TUBA4B: variants seen among roughly 807,000 people sequenced by gnomAD.
The protein encoded by TUBA4B is tubulin-like protein alpha-4B.
In TUBA4B, 13 loss-of-function variants were observed where a neutral mutation model predicts 18.4. That is an observed-to-expected ratio of 0.71 (90% confidence interval 0.46 to 1.12). The LOEUF (loss-of-function observed/expected upper bound fraction) is 1.12. TUBA4B is among the 50% of genes most tolerant of loss of function. The pLI is 0.00. For missense variants in TUBA4B, 244 were observed against 250.0 expected, an observed-to-expected ratio of 0.98 and a Z score of 0.16; for synonymous variants, 101 against 99.1, an observed-to-expected ratio of 1.02 and a Z score of -0.11.
chr2:219,253,738 G>T lies in TUBA4B; in HGVS notation c.12+319G>T. 11 of 1,256,790 alleles carry T rather than the reference G, an allele frequency of 8.8e-6. No homozygotes were observed. In the South Asian group the frequency reaches 9.7e-5, roughly 11 times the overall value. 77.9% of individuals were successfully genotyped at this position (1,256,790 alleles called of 1,614,324 possible). On this transcript the variant is annotated intron_variant, in intron 1 of 3. Coordinates refer to ENST00000490341, the MANE Select transcript of TUBA4B (RefSeq NM_001355221.1). Reference sequence around the variant, plus strand: ...TGGGGAGGGAGGATGCAAAACCCTCGCACCTCCTGGAGACCCGGAACGCCC... The same window carrying T: ...TGGGGAGGGAGGATGCAAAACCCTCTCACCTCCTGGAGACCCGGAACGCCC...
chr2:219,264,903 G>A lies in TUBA4B; in HGVS notation c.13-1618G>A, dbSNP rs1165359661. On this transcript the variant is annotated intron_variant, in intron 1 of 3. Transcript: ENST00000490341. Reference sequence around the variant, plus strand: ...ATTTGAGGCTAGTGGCCATGCGTTCGAAACATCAGTCAGCATGGTTCTGGA... The same window carrying A: ...ATTTGAGGCTAGTGGCCATGCGTTCAAAACATCAGTCAGCATGGTTCTGGA... Among the ~76,000 whole-genome samples, 3 of 152,212 alleles carry A rather than the reference G, an allele frequency of 2.0e-5. No homozygotes were observed. The East Asian group carries it at 5.8e-4, about 29-fold the overall frequency.
At chr2:219,267,202 A>G (rs1951795757) in intron 2 of TUBA4B, among the ~76,000 whole-genome samples, 1 of 152,184 alleles carries the variant, frequency 6.6e-6, no homozygotes, top group South Asian at 2.1e-4. Context: ...AGTTAAGAGC[A>G]TGGTTGGTGC....
chr2:219,256,649 C>G (rs932849444), intron 1 of TUBA4B, among the ~76,000 whole-genome samples: 1 of 152,140 alleles, frequency 6.6e-6, no homozygotes, highest in Non-Finnish European at 1.5e-5. Flanking sequence ...AGTGTAATTT[C>G]AAGGGTCCTT....
chr2:219,259,706 C>T (rs779201308), intron 1 of TUBA4B, among the ~76,000 whole-genome samples: 2 of 152,136 alleles, frequency 1.3e-5, no homozygotes, highest in Non-Finnish European at 2.9e-5. Flanking sequence ...TCACCTTTAT[C>T]TTGGAGCAGG....
rs576427991 is a variant in TUBA4B at position 219,267,468 on chromosome 2, A to G, written c.58+902A>G. Among the ~76,000 whole-genome samples the G allele has an allele frequency of 5.3e-5, 8 of 152,308 alleles. No individual in the cohort carries two copies. The South Asian group carries it at 1.4e-3, about 28-fold the overall frequency. On this transcript the variant is annotated intron_variant, in intron 2 of 3. Transcript: ENST00000490341. ...GGCTATGAGATTCTTCTCTTTCTAC[A>G]GTCATGAAAAAGGTGCTAGGGAAGC... is the stretch of plus-strand genomic sequence containing the variant.
At position 219,271,775 on chromosome 2, in the gene TUBA4B, A is replaced by G. The variant is rs1951828543; in HGVS notation, c.*76A>G. ...GGAGATGTGGTGCCCAAGGATGTCAACGCTGCCATTGCTGCCATCAAGACC... is the reference window on the plus strand; with the variant it reads ...GGAGATGTGGTGCCCAAGGATGTCAGCGCTGCCATTGCTGCCATCAAGACC... On this transcript the variant is annotated 3_prime_UTR_variant, in exon 4 of 4. Coordinates refer to ENST00000490341, the MANE Select transcript of TUBA4B (RefSeq NM_001355221.1). 12 of 1,610,456 alleles carry G rather than the reference A, an allele frequency of 7.5e-6. No individual in the cohort carries two copies. The highest frequency in any genetic ancestry group is 1.0e-5 in the Non-Finnish European group (12 of 1,176,568).
intron 1 of TUBA4B, among the ~76,000 whole-genome samples, chr2:219,265,981 C>T (rs1951787143): frequency 6.6e-6 from 1 of 152,182 alleles, no homozygotes; most frequent in African/African-American, 2.4e-5. Flanking sequence ...GGATTAAAAC[C>T]AAGCTCTAGG....
At chr2:219,264,386 A>C (rs1370626948) in intron 1 of TUBA4B, among the ~76,000 whole-genome samples, 1 of 151,632 alleles carries the variant, frequency 6.6e-6, no homozygotes, top group African/African-American at 2.4e-5. Context: ...CTTGAACCCA[A>C]GAGGCAGAGG....
chr2:219,258,218 T>C (rs1951734622), intron 1 of TUBA4B, among the ~76,000 whole-genome samples: 1 of 152,138 alleles, frequency 6.6e-6, no homozygotes, highest in African/African-American at 2.4e-5. Flanking sequence ...CTCGAACTCC[T>C]GACCTCAGGT....
In TUBA4B at chr2:219,271,575, A is replaced by G; in HGVS notation, c.602A>G (p.Tyr201Cys). ...LTEFQTNLVS[Y>C]LTSTSPWPPM... The stretch of plus-strand genomic sequence containing the variant: ...GAGTTCCAGACCAACCTGGTGTCCT[A>G]CCTCACATCCACTTCCCCCTGGCCA... The change falls in exon 4 of 4, where the codon TAC becomes TGC. Residue 201 changes from tyrosine to cysteine, a missense_variant. Coordinates refer to ENST00000490341, the MANE Select transcript of TUBA4B (RefSeq NM_001355221.1). 6.2e-7 allele frequency: 1 copy of G among 1,613,906 alleles called. No individual in the cohort carries two copies.
At chr2:219,265,267 G>A (rs1446779428) in intron 1 of TUBA4B, among the ~76,000 whole-genome samples, 1 of 152,192 alleles carries the variant, frequency 6.6e-6, no homozygotes. Context: ...CTTCATCCTG[G>A]GAAAGGGAGG....
At position 219,253,358 on chromosome 2, in the gene TUBA4B, G is replaced by GGA; in HGVS notation, c.-49_-48insAG. ...CAGACGCGGGGTGCTGAGTCACGGG[G>GGA]GGGGGGTGGTTCTGTGGATAGTTGG... On this transcript the variant is annotated 5_prime_UTR_variant, in exon 1 of 4. Transcript: ENST00000490341. 1 of 1,528,146 alleles carries GGA rather than the reference G, an allele frequency of 6.5e-7. No homozygotes were observed. The allele number at this position is 1,528,146 out of a possible 1,614,324, so 94.7% of individuals were successfully genotyped here.
At chr2:219,266,608 G>A (rs1314873465) in intron 2 of TUBA4B, 42 bp downstream of exon 2, 1 of 701,728 alleles carries the variant, frequency 1.4e-6, no homozygotes, top group South Asian at 1.5e-5. Flanking sequence ...ATGCAAGTGA[G>A]GGTCCCAGTG....
Position 219,272,009 on chromosome 2 carries a change from A to G in TUBA4B, c.*310A>G, listed in dbSNP as rs1951830966. ...ATGCCAAGAGGGCGTTTGGGCACTG[A>G]TATGTGGGTGAGGGCATGGAGGAGG... On this transcript the variant is annotated 3_prime_UTR_variant, in exon 4 of 4. Transcript: ENST00000490341. 4.0e-6 allele frequency: 6 copies of G among 1,513,744 alleles called. No individual in the cohort carries two copies. The highest frequency in any genetic ancestry group is 1.7e-4 in the Middle Eastern group (1 of 5,844). 93.8% of individuals were successfully genotyped at this position (1,513,744 alleles called of 1,614,324 possible).
intron 1 of TUBA4B, among the ~76,000 whole-genome samples, chr2:219,261,048 CTCTTT>C (rs1267588448): frequency 2.6e-5 from 4 of 152,070 alleles, no homozygotes; most frequent in African/African-American, 9.7e-5. Context: ...TCTCCTCTCC[CTCTTT>C]TAAGTTAGAA....
At chr2:219,258,182 G>C (rs913150062) in intron 1 of TUBA4B, among the ~76,000 whole-genome samples, 1 of 151,606 alleles carries the variant, frequency 6.6e-6, no homozygotes, top group African/African-American at 2.4e-5. Context: ...GTAGAGATAG[G>C]ATTTCACCAT....
intron 1 of TUBA4B, among the ~76,000 whole-genome samples, chr2:219,258,487 GTT>G (rs765257620): frequency 7.1e-6 from 1 of 141,524 alleles, no homozygotes; most frequent in Non-Finnish European, 1.6e-5. Flanking sequence ...CGCCTGGCTA[GTT>G]TTTTTTTTTT....
chr2:219,253,356 G>GGA lies in TUBA4B; in HGVS notation c.-51_-50insAG. On this transcript the variant is annotated 5_prime_UTR_variant, in exon 1 of 4. Transcript: ENST00000490341. ...CTCAGACGCGGGGTGCTGAGTCACG[G>GGA]GGGGGGGGTGGTTCTGTGGATAGTT... The GGA allele has an allele frequency of 6.8e-7, 1 of 1,462,320 alleles. No individual in the cohort carries two copies. Among genetic ancestry groups the GGA allele is most frequent in the African/African-American group, 1.6e-5 (1 of 61,446 alleles). 90.6% of individuals were successfully genotyped at this position (1,462,320 alleles called of 1,614,324 possible).
Position 219,263,694 on chromosome 2 carries a change from G to A in TUBA4B, c.13-2827G>A, listed in dbSNP as rs371889591. Among the ~76,000 whole-genome samples, 25 of 152,288 alleles carry A rather than the reference G, an allele frequency of 1.6e-4. 1 individual carries two copies. The highest frequency in any genetic ancestry group is 5.8e-4 in the African/African-American group (24 of 41,566). On this transcript the variant is annotated intron_variant, in intron 1 of 3. Coordinates refer to ENST00000490341, the MANE Select transcript of TUBA4B (RefSeq NM_001355221.1). ...ATGGGCCAACCCAGTAGAAGGCTGA[G>A]CTTTCTTATCTTTGATATGTTAAGT...
Sources: allele counts gnomAD v4.1 joint callset (sites outside exome capture counted in the v4.1 genomes callset), GRCh38; gene constraint gnomAD v4.1.1; transcripts MANE v1.5; gene names NCBI Gene and HGNC (gene_info 2026-07-23, HGNC 2026-07-21).